Variants in CSTPP1 observed in about 807,000 individuals in gnomAD.
The protein encoded by CSTPP1 is UPF0705 protein C11orf49.
the CSTPP1 span, among the ~76,000 whole-genome samples, chr11:47,047,741 G>T: frequency 0.086 from 13,078 of 152,136 alleles, 1,877 homozygotes; most frequent in African/African-American, 0.3. Context: ...CACAATAGAA[G>T]AAAATATTTG....
At chr11:47,013,721 T>C in the CSTPP1 span, among the ~76,000 whole-genome samples, 3 of 152,348 alleles carry the variant, frequency 2.0e-5, no homozygotes, top group South Asian at 4.1e-4. Context: ...ATCTTTACAA[T>C]AGAATAATTT....
chr11:47,155,136 T>TC, the CSTPP1 span: 195 of 1,429,744 alleles, frequency 1.4e-4, no homozygotes, highest in East Asian at 4.4e-3. Context: ...CTTAAACCTC[T>TC]CCCCCATTCT....
the CSTPP1 span, chr11:47,154,888 C>T: frequency 3.7e-5 from 19 of 506,940 alleles, no homozygotes; most frequent in Non-Finnish European, 5.3e-5. Flanking sequence ...ATGCTCCATC[C>T]GCTAGCTGGT....
At chr11:47,128,515 G>A in the CSTPP1 span, among the ~76,000 whole-genome samples, 5 of 151,980 alleles carry the variant, frequency 3.3e-5, no homozygotes, top group South Asian at 1.0e-3. Flanking sequence ...TTGAGTAGCT[G>A]GGACTACAGG....
the CSTPP1 span, among the ~76,000 whole-genome samples, chr11:47,072,606 A>C: frequency 2.6e-5 from 4 of 152,220 alleles, no homozygotes; most frequent in Admixed American, 6.5e-5. Context: ...AGTAGTCCAC[A>C]AAAGTGTTTA....
the CSTPP1 span, chr11:47,157,267 A>G: frequency 1.3e-5 from 20 of 1,511,722 alleles, no homozygotes; most frequent in Non-Finnish European, 1.8e-5. Flanking sequence ...AGGGGGTCGG[A>G]CTGCTGGCTG....
chr11:46,967,768 A>G, the CSTPP1 span, among the ~76,000 whole-genome samples: 1 of 150,382 alleles, frequency 6.6e-6, no homozygotes, highest in African/African-American at 2.4e-5. Context: ...CCTGGCAAAA[A>G]ATAATCTTAA....
chr11:46,961,990 C>T, the CSTPP1 span, among the ~76,000 whole-genome samples: 165 of 152,280 alleles, frequency 1.1e-3, no homozygotes, highest in Middle Eastern at 0.01. Context: ...GAAGCAAACA[C>T]GTCCTTCACA....
At chr11:46,962,866 A>C in the CSTPP1 span, among the ~76,000 whole-genome samples, 1 of 152,116 alleles carries the variant, frequency 6.6e-6, no homozygotes, top group Non-Finnish European at 1.5e-5. Context: ...AGGTGGGAGA[A>C]TCACCTGAAC....
At chr11:47,017,503 T>C in the CSTPP1 span, among the ~76,000 whole-genome samples, 1 of 151,726 alleles carries the variant, frequency 6.6e-6, no homozygotes, top group African/African-American at 2.4e-5. Flanking sequence ...CATGTATATA[T>C]ACAGAACAAT....
At chr11:46,974,298 C>T in the CSTPP1 span, among the ~76,000 whole-genome samples, 108 of 151,708 alleles carry the variant, frequency 7.1e-4, 1 homozygote, top group African/African-American at 2.5e-3. Context: ...AAGGCCGAGG[C>T]GGGCAGATCG....
chr11:47,035,458 T>A, the CSTPP1 span, among the ~76,000 whole-genome samples: 101,499 of 152,158 alleles, frequency 0.67, 34,369 homozygotes, highest in African/African-American at 0.72. Flanking sequence ...CATGCAGAGA[T>A]GATTAGCATC....
At chr11:47,042,896 T>A in the CSTPP1 span, among the ~76,000 whole-genome samples, 1 of 152,238 alleles carries the variant, frequency 6.6e-6, no homozygotes, top group Non-Finnish European at 1.5e-5. Flanking sequence ...GGATTTCTGG[T>A]CATGATGGCT....
chr11:47,102,817 G>A, the CSTPP1 span, among the ~76,000 whole-genome samples: 36 of 152,164 alleles, frequency 2.4e-4, no homozygotes, highest in Non-Finnish European at 4.1e-4. Flanking sequence ...ATACCCTAAG[G>A]GGTAATGATT....
the CSTPP1 span, among the ~76,000 whole-genome samples, chr11:47,053,245 T>A: frequency 9.5e-3 from 1,452 of 152,162 alleles, 23 homozygotes; most frequent in African/African-American, 0.034. Context: ...CTAGAGTTTG[T>A]GTGGAGTTTA....
the CSTPP1 span, chr11:47,161,224 TG>T: frequency 1.9e-6 from 3 of 1,614,056 alleles, no homozygotes; most frequent in Admixed American, 5.0e-5. Context: ...TGCCCCCTTG[TG>T]GGGGCCAGAC....
the CSTPP1 span, among the ~76,000 whole-genome samples, chr11:46,992,672 A>G: frequency 6.6e-6 from 1 of 152,204 alleles, no homozygotes; most frequent in Non-Finnish European, 1.5e-5. Context: ...AGTCTTTGCT[A>G]TCGTGAATAG....
At chr11:47,151,283 C>T in the CSTPP1 span, among the ~76,000 whole-genome samples, 4 of 151,934 alleles carry the variant, frequency 2.6e-5, no homozygotes, top group East Asian at 5.8e-4. Flanking sequence ...TGCTGGCGCA[C>T]GCCTGTAGTC....
At chr11:47,031,652 G>T in the CSTPP1 span, among the ~76,000 whole-genome samples, 1 of 151,458 alleles carries the variant, frequency 6.6e-6, no homozygotes, top group Non-Finnish European at 1.5e-5. Context: ...AGCTATGATC[G>T]TGCCACTGCA....
Sources: gnomAD v4.1 joint callset for allele counts (sites outside exome capture counted in the v4.1 genomes callset) on GRCh38, gnomAD v4.1.1 for gene constraint, MANE v1.5 for transcripts, NCBI Gene and HGNC (gene_info 2026-07-23, HGNC 2026-07-21) for gene names.